The following ZNF529 variants were observed in gnomAD, a reference collection of about 807,000 sequenced individuals.
ZNF529 encodes the protein zinc finger protein 529.
A neutral mutation model predicts 10.1 loss-of-function variants in ZNF529; 11 were observed. The observed-to-expected ratio is 1.09, with a 90% CI of 0.69 to 1.81. The LOEUF (loss-of-function observed/expected upper bound fraction) is 1.81, where lower values mean the gene tolerates loss of function less well. Ranked by LOEUF, ZNF529 falls within the 40% of genes most tolerant of loss-of-function variation. The pLI is 0.00. For synonymous variants in ZNF529, 204 were observed against 215.7 expected (o/e 0.95, Z 0.47); for missense variants, 624 against 666.8 (o/e 0.94, Z 0.71).
At chr19:36,554,394 T>C (rs2035378805) in intron 4 of ZNF529, among the ~76,000 whole-genome samples, 1 of 152,084 alleles carries the variant, frequency 6.6e-6, no homozygotes, top group Non-Finnish European at 1.5e-5. Context: ...CTGGCCAACA[T>C]GGTGAAACCC....
chr19:36,546,916 G>T lies in ZNF529; in HGVS notation c.1642C>A (p.His548Asn), dbSNP rs1377817280. ...ECGNSFSVVG[H>N]LTCQPKIYTG... is the part of the protein sequence containing the mutation. The stretch of plus-strand genomic sequence containing the variant: ...TAAATTTTCGGTTGGCAAGTAAGAT[G>T]CCCAACAACACTAAAGGAATTCCCA... Residue 548 changes from histidine to asparagine, a missense_variant, in exon 5 of 5, where the codon CAT becomes AAT. Transcript: ENST00000591340. 1 of 1,612,862 alleles carries T rather than the reference G, an allele frequency of 6.2e-7. No homozygotes were observed. The highest frequency in any genetic ancestry group is 8.5e-7 in the Non-Finnish European group (1 of 1,179,304).
chr19:36,570,959 TACA>T (rs1483296111), intron 2 of ZNF529, among the ~76,000 whole-genome samples: 1 of 152,346 alleles, frequency 6.6e-6, no homozygotes, highest in African/African-American at 2.4e-5. Flanking sequence ...GTTTACATTC[TACA>T]ACAAGAAACT....
chr19:36,554,849 G>A, intron 3 of ZNF529, 53 bp from the exon 4 acceptor site: 3 of 1,448,174 alleles, frequency 2.1e-6, no homozygotes, highest in Admixed American at 4.8e-5. Flanking sequence ...ATATTTTTGA[G>A]AAAAAGACAA....
chr19:36,573,412 C>T (rs767645081), upstream of ZNF529: 9 of 468,378 alleles, frequency 1.9e-5, no homozygotes, highest in South Asian at 1.2e-4. Context: ...GCAGGGGCCG[C>T]ACCACGCCCC....
rs938156767 is a variant in ZNF529, at chr19:36,546,055, G to A, written c.*811C>T. 1.3e-5 allele frequency: 1 copy of A among 79,690 alleles called. No homozygotes were observed. The highest frequency in any genetic ancestry group is 3.0e-5 in the Non-Finnish European group (1 of 33,402). 4.9% of individuals were successfully genotyped at this position (79,690 alleles called of 1,614,324 possible). A position where few individuals can be genotyped will look rare whatever the true frequency, so the allele number is the denominator to read the frequency against. ...CTATATATACATATATTGTGTGTGT[G>A]TGTGTGTATATATATATATATATAT... On this transcript the variant is annotated 3_prime_UTR_variant, in exon 5 of 5. Transcript: ENST00000591340.
At chr19:36,574,240 C>T (rs190930662), upstream of ZNF529, among the ~76,000 whole-genome samples, 591 of 152,238 alleles carry the variant, frequency 3.9e-3, 1 homozygote, top group Non-Finnish European at 7.1e-3. Context: ...AAAGGCGGGA[C>T]AGCTGGAAGG....
upstream of ZNF529, among the ~76,000 whole-genome samples, chr19:36,575,111 A>T (rs979233143): frequency 2.0e-5 from 3 of 152,198 alleles, no homozygotes; most frequent in East Asian, 5.8e-4. Flanking sequence ...AGATCACAGG[A>T]AACTGAATGT....
chr19:36,545,002 G>C lies in ZNF529; in HGVS notation c.*1864C>G, dbSNP rs2034956813. On this transcript the variant is annotated 3_prime_UTR_variant, in exon 5 of 5. Coordinates refer to ENST00000591340, the MANE Select transcript of ZNF529 (RefSeq NM_020951.5). ...GCACTTTGGGAGGCCGAGGCAGGGG[G>C]ATCACAAGGTCAGGAAATCGAGACT... The C allele has an allele frequency of 6.6e-6, 1 of 152,114 alleles. No homozygotes were observed. Among genetic ancestry groups the C allele is most frequent in the Non-Finnish European group, 1.5e-5 (1 of 68,028 alleles). 9.4% of individuals were successfully genotyped at this position (152,114 alleles called of 1,614,324 possible).
At chr19:36,590,300 G>A (rs1055707456) in intron 1 of ZNF529, among the ~76,000 whole-genome samples, 5 of 152,024 alleles carry the variant, frequency 3.3e-5, no homozygotes, top group South Asian at 2.1e-4. Context: ...GCTTGAGCCC[G>A]GGAAGTCGAG....
chr19:36,592,459 T>C (rs1435454231), intron 1 of ZNF529, among the ~76,000 whole-genome samples: 1 of 151,116 alleles, frequency 6.6e-6, no homozygotes, highest in Non-Finnish European at 1.5e-5. Flanking sequence ...CTGGGCATGG[T>C]GACACGTGCC....
At chr19:36,576,941 TCTA>T (rs1420040917), upstream of ZNF529, among the ~76,000 whole-genome samples, 2 of 151,472 alleles carry the variant, frequency 1.3e-5, no homozygotes, top group African/African-American at 4.8e-5. Flanking sequence ...AGTGAGTGAT[TCTA>T]CTTTTTCTTT....
rs755695580 is a variant in ZNF529 at position 36,547,733 on chromosome 19, A to C, written c.825T>G (p.Val275=). Residue 275 remains valine, a synonymous_variant, in exon 5 of 5, where the codon GTT becomes GTG. Coordinates refer to ENST00000591340, the MANE Select transcript of ZNF529 (RefSeq NM_020951.5). ...RVGKVTPLQR[V]HDGEKHFECS... is the part of the protein sequence containing the mutation. ...ATTCAAAGTGTTTCTCACCATCATGAACTCTTTGAAGTGGAGTAACTTTTC... is the reference window on the plus strand; with the variant it reads ...ATTCAAAGTGTTTCTCACCATCATGCACTCTTTGAAGTGGAGTAACTTTTC... 2.5e-6 allele frequency: 4 copies of C among 1,613,780 alleles called. No homozygotes were observed. Among genetic ancestry groups the C allele is most frequent in the Non-Finnish European group, 3.4e-6 (4 of 1,179,844 alleles).
At chr19:36,565,573 T>G (rs888451651) in intron 2 of ZNF529, among the ~76,000 whole-genome samples, 2 of 152,086 alleles carry the variant, frequency 1.3e-5, no homozygotes, top group African/African-American at 4.8e-5. Context: ...TGGTGGCACA[T>G]GCCTATAATC....
At chr19:36,583,841 A>G (rs972168855) in intron 2 of ZNF529, among the ~76,000 whole-genome samples, 31 of 152,128 alleles carry the variant, frequency 2.0e-4, no homozygotes, top group Non-Finnish European at 3.5e-4. Context: ...GAGATTACCT[A>G]TAATGCAGCA....
chr19:36,576,649 G>A (rs1296147565), upstream of ZNF529, among the ~76,000 whole-genome samples: 8 of 151,896 alleles, frequency 5.3e-5, no homozygotes, highest in South Asian at 2.1e-4. Context: ...CCCAGGAAGC[G>A]GCGTTTGCAG....
chr19:36,577,099 C>T (rs920883070), upstream of ZNF529: 1 of 435,408 alleles, frequency 2.3e-6, no homozygotes, highest in African/African-American at 2.0e-5. Flanking sequence ...ACCACAGGCA[C>T]CCACTACTAT....
intron 2 of ZNF529, chr19:36,581,864 C>T (rs11084860): frequency 0.088 from 13,421 of 152,396 alleles, 757 homozygotes; most frequent in Non-Finnish European, 0.12. Flanking sequence ...ATTACCCAGC[C>T]TCAGGTATTC....
At chr19:36,588,363 G>A (rs745815613) in intron 2 of ZNF529, among the ~76,000 whole-genome samples, 4 of 152,078 alleles carry the variant, frequency 2.6e-5, no homozygotes, top group Non-Finnish European at 4.4e-5. Context: ...TATTCAGAGC[G>A]TTGTTTTACC....
At chr19:36,585,154 G>A (rs1408100141) in intron 2 of ZNF529, among the ~76,000 whole-genome samples, 1 of 152,134 alleles carries the variant, frequency 6.6e-6, no homozygotes, top group East Asian at 1.9e-4. Flanking sequence ...AGTTTGTAGT[G>A]GGGAGAAACA....
Sources: gnomAD v4.1 joint callset for allele counts (sites outside exome capture counted in the v4.1 genomes callset) on GRCh38, gnomAD v4.1.1 for gene constraint, MANE v1.5 for transcripts, NCBI Gene and HGNC (gene_info 2026-07-23, HGNC 2026-07-21) for gene names.